GPC3: variants seen among roughly 807,000 people sequenced by gnomAD.
GPC3 encodes glypican 3.
In GPC3, 3 loss-of-function variants were observed where a neutral mutation model predicts 34.4. The observed-to-expected ratio is 0.09, with a 90% CI of 0.04 to 0.23. The LOEUF (loss-of-function observed/expected upper bound fraction) is 0.23. Among genes scored for constraint, GPC3 ranks in the 10% least tolerant of loss-of-function variants. The pLI is 1.00. For synonymous variants in GPC3, 177 were observed against 174.0 expected, an observed-to-expected ratio of 1.02 and a Z score of -0.13; for missense variants, 351 against 445.6, an observed-to-expected ratio of 0.79 and a Z score of 1.91.
At chrX:133,564,986 A>G (rs2069570182) in intron 7 of GPC3, among the ~76,000 whole-genome samples, 1 of 112,513 alleles carries the variant, frequency 8.9e-6, no homozygotes, top group Non-Finnish European at 1.9e-5. Flanking sequence ...AAAAATCACA[A>G]GAAGAATGGA....
intron 2 of GPC3, among the ~76,000 whole-genome samples, chrX:133,865,173 T>C (rs943742783): frequency 1.8e-5 from 2 of 112,290 alleles, no homozygotes; most frequent in African/African-American, 3.2e-5. Flanking sequence ...TTAATATTTA[T>C]GTTTTCTCCC....
chrX:133,759,085 T>C (rs984708265), intron 2 of GPC3, among the ~76,000 whole-genome samples: 2 of 111,335 alleles, frequency 1.8e-5, no homozygotes, highest in Non-Finnish European at 3.8e-5. Flanking sequence ...GGTGTACAGA[T>C]TGGGAAAACT....
At chrX:133,725,040 G>A (rs1035709482) in intron 3 of GPC3, among the ~76,000 whole-genome samples, 1 of 111,621 alleles carries the variant, frequency 9.0e-6, no homozygotes, top group Admixed American at 9.5e-5. Flanking sequence ...AGGCAGTTGG[G>A]GTCCAGAACA....
chrX:133,681,187 G>A (rs1447826048), intron 5 of GPC3, among the ~76,000 whole-genome samples: 3 of 111,350 alleles, frequency 2.7e-5, no homozygotes, highest in South Asian at 3.8e-4. Context: ...TCTGCACTTC[G>A]CAATCTCCTG....
chrX:133,910,547 T>C (rs1200142173), intron 2 of GPC3, among the ~76,000 whole-genome samples: 1 of 112,131 alleles, frequency 8.9e-6, no homozygotes, highest in Admixed American at 9.5e-5. Flanking sequence ...TCTTCATAGT[T>C]CCTTCTCAAA....
chrX:133,617,154 T>TAG (rs1305688508), intron 6 of GPC3, among the ~76,000 whole-genome samples: 1 of 111,937 alleles, frequency 8.9e-6, no homozygotes, highest in Non-Finnish European at 1.9e-5. Flanking sequence ...CCCTACAATA[T>TAG]AGATATTCCC....
intron 6 of GPC3, among the ~76,000 whole-genome samples, chrX:133,645,200 C>T (rs2070528905): frequency 8.9e-6 from 1 of 111,795 alleles, no homozygotes; most frequent in Non-Finnish European, 1.9e-5. Flanking sequence ...TGAGATCTTG[C>T]CATCATCCAG....
In GPC3 at chrX:133,867,643, T is replaced by C. The variant is rs375690506; in HGVS notation, c.337+85407A>G. On this transcript the variant is annotated intron_variant, in intron 2 of 7. Coordinates refer to ENST00000370818, the MANE Select transcript of GPC3 (RefSeq NM_004484.4). ...GGCCGGTTCCCTGGCAAAGGCCCCA[T>C]CTTCAAGCCTGAAGACCTGTGGCCC... Among the ~76,000 whole-genome samples, 7 of 109,221 alleles carry C rather than the reference T, an allele frequency of 6.4e-5. No individual in the cohort carries two copies. The South Asian group carries it at 2.9e-3, about 45-fold the overall frequency. The allele number at this position is 109,221 out of a possible 115,157, so 94.8% of individuals were successfully genotyped here.
chrX:133,821,693 G>A (rs1353752240), intron 2 of GPC3, among the ~76,000 whole-genome samples: 1 of 111,692 alleles, frequency 9.0e-6, no homozygotes, highest in African/African-American at 3.3e-5. Context: ...TCATGGGCCT[G>A]AAAATTATGG....
intron 2 of GPC3, among the ~76,000 whole-genome samples, chrX:133,840,418 G>A (rs996919439): frequency 1.8e-5 from 2 of 110,963 alleles, no homozygotes; most frequent in African/African-American, 6.6e-5. Flanking sequence ...CAACCTGAAT[G>A]CATATCTTAT....
intron 2 of GPC3, among the ~76,000 whole-genome samples, chrX:133,863,919 T>C (rs1162235016): frequency 1.8e-5 from 2 of 108,163 alleles, no homozygotes; most frequent in African/African-American, 6.8e-5. Flanking sequence ...CCTCCCAAAG[T>C]GCTGGGATTA....
chrX:133,853,489 T>G (rs1020221517), intron 2 of GPC3, among the ~76,000 whole-genome samples: 1 of 112,201 alleles, frequency 8.9e-6, no homozygotes, highest in African/African-American at 3.2e-5. Context: ...TACTATATAC[T>G]TGGCAAATTT....
chrX:133,764,942 G>A (rs1186863636), intron 2 of GPC3, among the ~76,000 whole-genome samples: 2 of 111,160 alleles, frequency 1.8e-5, no homozygotes, highest in African/African-American at 3.3e-5. Flanking sequence ...ACATTCTCAC[G>A]GCTAAGAAAT....
intron 2 of GPC3, among the ~76,000 whole-genome samples, chrX:133,917,975 C>T: frequency 8.9e-6 from 1 of 112,212 alleles, no homozygotes; most frequent in Non-Finnish European, 1.9e-5. Context: ...TGTCCACACA[C>T]TACAAAATTG....
chrX:133,772,110 T>G, intron 2 of GPC3, among the ~76,000 whole-genome samples: 1 of 111,402 alleles, frequency 9.0e-6, no homozygotes, highest in Middle Eastern at 4.6e-3. Context: ...GAACGCCAGG[T>G]AGAAGTCAGT....
intron 2 of GPC3, among the ~76,000 whole-genome samples, chrX:133,908,991 C>G (rs1167641184): frequency 8.9e-6 from 1 of 112,080 alleles, no homozygotes; most frequent in Non-Finnish European, 1.9e-5. Flanking sequence ...CTACGCCACC[C>G]AGCTTTGCGA....
chrX:133,735,289 C>CA (rs889589783), intron 3 of GPC3, among the ~76,000 whole-genome samples: 9 of 110,156 alleles, frequency 8.2e-5, no homozygotes, highest in East Asian at 2.8e-4. Context: ...AATTGAGAGT[C>CA]AAAAAAAACC....
In GPC3 at chrX:133,764,989, A is replaced by AT. The variant is rs762755182; in HGVS notation, c.338-10814dup. ...AGAAGTATCAGGATCACACTCTTAG[A>AT]TTTTTTAGTTCATTCTTTACAAAAG... On this transcript the variant is annotated intron_variant, in intron 2 of 7. Coordinates refer to ENST00000370818, the MANE Select transcript of GPC3 (RefSeq NM_004484.4). Among the ~76,000 whole-genome samples, 36 of 111,938 alleles carry AT rather than the reference A, an allele frequency of 3.2e-4. 1 individual carries two copies. Among genetic ancestry groups the AT allele is most frequent in the Non-Finnish European group, 5.3e-4 (28 of 53,113 alleles).
At chrX:133,863,626 C>T (rs1424743474) in intron 2 of GPC3, among the ~76,000 whole-genome samples, 1 of 104,908 alleles carries the variant, frequency 9.5e-6, no homozygotes, top group Non-Finnish European at 1.9e-5. Flanking sequence ...CACACACACC[C>T]CTAGTTAACA....
Sources: allele counts gnomAD v4.1 joint callset (sites outside exome capture counted in the v4.1 genomes callset), GRCh38; gene constraint gnomAD v4.1.1; transcripts MANE v1.5; gene names NCBI Gene and HGNC (gene_info 2026-07-23, HGNC 2026-07-21).